The following THSD7B variants were observed in gnomAD, a reference collection of about 807,000 sequenced individuals.
The protein encoded by THSD7B is thrombospondin type-1 domain-containing protein 7B.
THSD7B carries 138 observed loss-of-function variants against 213.6 expected under a neutral mutation model. The observed-to-expected ratio is 0.65, with a 90% CI of 0.56 to 0.74. The LOEUF is 0.74. Ranked by LOEUF, THSD7B falls within the 30% of genes least tolerant of loss-of-function variation. THSD7B has a pLI of 0.00. For synonymous variants in THSD7B, 742 were observed against 687.0 expected, an observed-to-expected ratio of 1.08 and a Z score of -1.25; for missense variants, 1,931 against 1,991.5, an observed-to-expected ratio of 0.97 and a Z score of 0.58.
intron 17 of THSD7B, among the ~76,000 whole-genome samples, chr2:137,607,609 A>T (rs1186061199): frequency 6.6e-6 from 1 of 152,030 alleles, no homozygotes; most frequent in Non-Finnish European, 1.5e-5. Flanking sequence ...GCATTTGAGG[A>T]TCATATCTCT....
At chr2:136,956,037 G>GA (rs397985964) in intron 2 of THSD7B, among the ~76,000 whole-genome samples, 55,033 of 126,544 alleles carry the variant, frequency 0.43, 12,293 homozygotes, top group Non-Finnish European at 0.56. Flanking sequence ...AAAAAAAAAA[G>GA]AAAAAAAAAA....
chr2:137,368,923 T>A (rs1317905086), intron 12 of THSD7B, among the ~76,000 whole-genome samples: 1 of 152,012 alleles, frequency 6.6e-6, no homozygotes, highest in Non-Finnish European at 1.5e-5. Context: ...CTGCTTGGAA[T>A]TTCTTGGACT....
intron 27 of THSD7B, among the ~76,000 whole-genome samples, chr2:137,668,446 C>CA (rs10668254): frequency 0.025 from 3,482 of 141,704 alleles, 131 homozygotes; most frequent in African/African-American, 0.082. Context: ...TGGTCATTTG[C>CA]AAAAAAAAAA....
chr2:137,313,912 C>T (rs544629902), intron 12 of THSD7B, among the ~76,000 whole-genome samples: 31 of 152,190 alleles, frequency 2.0e-4, no homozygotes, highest in African/African-American at 6.7e-4. Flanking sequence ...GAGCGTAACC[C>T]GACCTTTCTC....
intron 26 of THSD7B, among the ~76,000 whole-genome samples, chr2:137,665,404 A>C (rs1238416003): frequency 1.3e-5 from 2 of 152,100 alleles, no homozygotes; most frequent in Non-Finnish European, 2.9e-5. Context: ...AAGTTTATGT[A>C]TTCACACATA....
intron 5 of THSD7B, among the ~76,000 whole-genome samples, chr2:137,131,967 G>C (rs1688740791): frequency 1.3e-5 from 2 of 150,624 alleles, no homozygotes; most frequent in African/African-American, 4.9e-5. Context: ...AAATTACCTT[G>C]GGCAGTATGG....
chr2:137,101,479 G>A (rs1688148522), intron 4 of THSD7B, among the ~76,000 whole-genome samples: 1 of 152,222 alleles, frequency 6.6e-6, no homozygotes, highest in South Asian at 2.1e-4. Context: ...CTATTTAGAA[G>A]TAGAGCTAGC....
In THSD7B at chr2:137,231,112, T is replaced by C. The variant is rs1455115898; in HGVS notation, c.1792T>C (p.Cys598Arg). 1.2e-6 allele frequency: 2 copies of C among 1,613,888 alleles called. No homozygotes were observed. The highest frequency in any genetic ancestry group is 1.1e-5 in the South Asian group (1 of 91,072). The change falls in exon 8 of 28, where the codon TGC (cysteine) becomes CGC (arginine). Residue 598 changes from cysteine to arginine, a missense_variant. Physicochemically the swap from Cys to Arg is radical, Grantham distance 180. Transcript: ENST00000409968. ...PPERKSCEIP[C>R]RMDCVLSEWT... is the part of the protein sequence containing the mutation. ...TGAGAGGAAGTCTTGTGAAATTCCC[T>C]GCCGAATGGACTGTGTGCTGAGCGA...
At chr2:137,506,365 A>G (rs969033054) in intron 15 of THSD7B, among the ~76,000 whole-genome samples, 1 of 152,100 alleles carries the variant, frequency 6.6e-6, no homozygotes, top group East Asian at 1.9e-4. Flanking sequence ...TGGGTAAACC[A>G]TTTTCTGGTC....
intron 7 of THSD7B, among the ~76,000 whole-genome samples, chr2:137,206,460 G>T (rs1219908832): frequency 6.6e-6 from 1 of 152,056 alleles, no homozygotes; most frequent in South Asian, 2.1e-4. Context: ...CCCTGACTGC[G>T]TATTAGTTAC....
At chr2:137,529,663 A>C (rs978782504) in intron 15 of THSD7B, among the ~76,000 whole-genome samples, 3 of 151,880 alleles carry the variant, frequency 2.0e-5, no homozygotes, top group Admixed American at 2.0e-4. Context: ...AAAACTTCAG[A>C]AAAAGGAAAT....
chr2:137,440,488 A>C (rs1687385270), intron 14 of THSD7B, among the ~76,000 whole-genome samples: 1 of 149,786 alleles, frequency 6.7e-6, no homozygotes, highest in East Asian at 2.0e-4. Context: ...TGGACATATG[A>C]GTAAGTTTTG....
At chr2:137,210,457 T>G in intron 7 of THSD7B, among the ~76,000 whole-genome samples, 1 of 152,096 alleles carries the variant, frequency 6.6e-6, no homozygotes, top group East Asian at 1.9e-4. Context: ...TTTAAAATTA[T>G]CCATTGAGGC....
chr2:137,590,111 T>C (rs544123203), intron 17 of THSD7B, among the ~76,000 whole-genome samples: 1 of 152,320 alleles, frequency 6.6e-6, no homozygotes, highest in East Asian at 1.9e-4. Flanking sequence ...CCATGCTTTC[T>C]CCCTTCCTTT....
intron 2 of THSD7B, among the ~76,000 whole-genome samples, chr2:137,031,831 C>CTT (rs542117596): frequency 9.2e-4 from 126 of 137,136 alleles, no homozygotes; most frequent in Middle Eastern, 4.0e-3. Flanking sequence ...CTTTTCTTTC[C>CTT]TTTTTTTTTT....
Position 137,041,455 on chromosome 2 carries a change from A to T in THSD7B, c.140-14965A>T, listed in dbSNP as rs534613439. Among the ~76,000 whole-genome samples, 7 of 151,938 alleles carry T rather than the reference A, an allele frequency of 4.6e-5. No individual in the cohort carries two copies. The South Asian group carries it at 1.5e-3, about 32-fold the overall frequency. On this transcript the variant is annotated intron_variant, in intron 2 of 27. Coordinates refer to ENST00000409968, the MANE Select transcript of THSD7B (RefSeq NM_001316349.2). Reference sequence around the variant, plus strand: ...GGCAACATACATATATATTAATATGAATGTATGTGCCCACAGAAGAATGTA... The same window carrying T: ...GGCAACATACATATATATTAATATGTATGTATGTGCCCACAGAAGAATGTA...
intron 20 of THSD7B, among the ~76,000 whole-genome samples, chr2:137,621,259 G>A (rs1000245503): frequency 6.6e-6 from 1 of 152,126 alleles, no homozygotes; most frequent in Non-Finnish European, 1.5e-5. Flanking sequence ...GAACTGGGTT[G>A]GAAGCAGCAT....
chr2:136,829,956 A>G (rs143912737), intron 1 of THSD7B, among the ~76,000 whole-genome samples: 2 of 152,104 alleles, frequency 1.3e-5, no homozygotes, highest in Admixed American at 6.6e-5. Flanking sequence ...TTATTATACA[A>G]GCTCTAAGTT....
chr2:137,662,382 C>A (rs1011684809), intron 25 of THSD7B, among the ~76,000 whole-genome samples: 1 of 150,628 alleles, frequency 6.6e-6, no homozygotes, highest in Non-Finnish European at 1.5e-5. Context: ...AGCGCCCGGC[C>A]AGGTGTTTTC....
Sources: allele counts gnomAD v4.1 joint callset (sites outside exome capture counted in the v4.1 genomes callset), GRCh38; gene constraint gnomAD v4.1.1; transcripts MANE v1.5; gene names NCBI Gene and HGNC (gene_info 2026-07-23, HGNC 2026-07-21).